Variants in C12orf56 observed in about 807,000 individuals in gnomAD.
The protein encoded by C12orf56 is uncharacterized protein C12orf56.
A neutral mutation model predicts 69.9 loss-of-function variants in C12orf56; 71 were observed. The observed-to-expected ratio is 1.02, with a 90% CI of 0.84 to 1.24. The LOEUF (loss-of-function observed/expected upper bound fraction) is 1.24. Ranked by LOEUF, C12orf56 falls within the 50% of genes most tolerant of loss-of-function variation. The probability of loss-of-function intolerance (pLI) is 0.00; values close to 1 mark genes in which losing one functional copy is unlikely to be tolerated. For missense variants in C12orf56, 732 were observed against 738.5 expected, an observed-to-expected ratio of 0.99 and a Z score of 0.10; for synonymous variants, 276 against 274.1, an observed-to-expected ratio of 1.01 and a Z score of -0.07.
chr12:64,275,339 C>A lies in C12orf56; in HGVS notation c.1468G>T (p.Ala490Ser). Reference protein sequence around the residue: ...QKLILEYTNTATALLYEILLV... With the variant: ...QKLILEYTNTSTALLYEILLV... ...AGTATCTCATATAAAAGTGCTGTAG[C>A]AGTATTTGTATACTCCAGAATAAGC... The change falls in exon 10 of 13, where the codon GCT becomes TCT. Residue 490 changes from alanine to serine, a missense_variant. By Grantham distance (99) the Ala-to-Ser change is moderately conservative (BLOSUM62 1). Transcript: ENST00000543942. 1 of 1,442,212 alleles carries A rather than the reference C, an allele frequency of 6.9e-7. No individual in the cohort carries two copies. Among genetic ancestry groups the A allele is most frequent in the Non-Finnish European group, 9.2e-7 (1 of 1,083,906 alleles). The allele number at this position is 1,442,212 out of a possible 1,614,324, so 89.3% of individuals were successfully genotyped here.
chr12:64,298,912 G>A (rs2038406144), intron 6 of C12orf56, among the ~76,000 whole-genome samples: 1 of 152,144 alleles, frequency 6.6e-6, no homozygotes, highest in African/African-American at 2.4e-5. Flanking sequence ...TTCCAATTCT[G>A]TGGAGAAAGT....
chr12:64,306,614 CCACCT>C (rs1330782524), intron 5 of C12orf56, among the ~76,000 whole-genome samples: 9 of 152,060 alleles, frequency 5.9e-5, no homozygotes, highest in African/African-American at 1.9e-4. Flanking sequence ...AGTAATCCGC[CCACCT>C]CAGCCTCTGA....
At chr12:64,277,411 ACTTT>A (rs1031131465) in intron 9 of C12orf56, among the ~76,000 whole-genome samples, 1 of 152,148 alleles carries the variant, frequency 6.6e-6, no homozygotes, top group African/African-American at 2.4e-5. Context: ...AATGCTAATT[ACTTT>A]CTTTAATATA....
intron 6 of C12orf56, among the ~76,000 whole-genome samples, chr12:64,287,219 G>T (rs2038215492): frequency 7.6e-6 from 1 of 131,590 alleles, no homozygotes; most frequent in African/African-American, 3.0e-5. Context: ...ACTCCAGACT[G>T]GGCAAGAGTG....
At chr12:64,308,882 CA>C (rs1215425670) in intron 5 of C12orf56, among the ~76,000 whole-genome samples, 1 of 50,056 alleles carries the variant, frequency 2.0e-5, no homozygotes, top group African/African-American at 9.0e-5. Flanking sequence ...AAGAAAGAAA[CA>C]GAAAGGAAGA....
intron 3 of C12orf56, among the ~76,000 whole-genome samples, chr12:64,325,512 A>G (rs2038828027): frequency 6.6e-6 from 1 of 152,208 alleles, no homozygotes; most frequent in African/African-American, 2.4e-5. Context: ...CTCATATTCA[A>G]TTGACTTCTC....
chr12:64,266,158 A>G lies in C12orf56; in HGVS notation c.*1025T>C, dbSNP rs1011512903. 2 of 152,188 alleles carry G rather than the reference A, an allele frequency of 1.3e-5. No individual in the cohort carries two copies. The highest frequency in any genetic ancestry group is 1.3e-4 in the Admixed American group (2 of 15,272). 9.4% of individuals were successfully genotyped at this position (152,188 alleles called of 1,614,324 possible). On this transcript the variant is annotated 3_prime_UTR_variant, in exon 13 of 13. Coordinates refer to ENST00000543942, the MANE Select transcript of C12orf56 (RefSeq NM_001170633.2). ...TCATCCTATTGCTCAGCATTTCCCA[A>G]ATAATCACTCTGTAGCTTATACTCC...
chr12:64,347,412 A>G (rs2039159971), intron 2 of C12orf56, among the ~76,000 whole-genome samples: 1 of 150,878 alleles, frequency 6.6e-6, no homozygotes, highest in Non-Finnish European at 1.5e-5. Context: ...CAGTCTCCTG[A>G]GTAGCTGGGA....
At chr12:64,326,090 A>G (rs2038835377) in intron 3 of C12orf56, among the ~76,000 whole-genome samples, 1 of 152,146 alleles carries the variant, frequency 6.6e-6, no homozygotes, top group Non-Finnish European at 1.5e-5. Flanking sequence ...GCAAAAATAG[A>G]TTTCAAGACA....
chr12:64,315,064 G>C (rs555144818), intron 4 of C12orf56, among the ~76,000 whole-genome samples: 17 of 141,060 alleles, frequency 1.2e-4, no homozygotes, highest in African/African-American at 4.5e-4. Flanking sequence ...CAATTCTCCT[G>C]CCTCAGCTTC....
intron 1 of C12orf56, among the ~76,000 whole-genome samples, chr12:64,372,800 C>T (rs994380309): frequency 2.0e-5 from 3 of 152,176 alleles, no homozygotes; most frequent in African/African-American, 7.2e-5. Context: ...CAGGCATGAG[C>T]CACCATGCCT....
intron 8 of C12orf56, among the ~76,000 whole-genome samples, chr12:64,279,209 C>A (rs1183016065): frequency 6.6e-6 from 1 of 152,176 alleles, no homozygotes; most frequent in African/African-American, 2.4e-5. Flanking sequence ...CATGAGCCTC[C>A]ACACCCAACT....
chr12:64,325,372 A>AAAAG (rs1555189854), intron 3 of C12orf56, among the ~76,000 whole-genome samples: 65 of 141,420 alleles, frequency 4.6e-4, no homozygotes, highest in African/African-American at 7.9e-4. Context: ...AAAAAAAAAA[A>AAAAG]AAGAAGAAGA....
At chr12:64,343,288 A>G (rs1268554543) in intron 2 of C12orf56, among the ~76,000 whole-genome samples, 1 of 152,166 alleles carries the variant, frequency 6.6e-6, no homozygotes, top group African/African-American at 2.4e-5. Context: ...CAATAAGTCC[A>G]GTGTGTTTGC....
intron 8 of C12orf56, among the ~76,000 whole-genome samples, chr12:64,281,041 CG>C (rs542045314): frequency 1.3e-5 from 2 of 150,376 alleles, no homozygotes; most frequent in African/African-American, 4.9e-5. Context: ...GGGAGGCCGA[CG>C]GGGGGTGGAT....
At chr12:64,298,258 C>T (rs1297619132) in intron 6 of C12orf56, among the ~76,000 whole-genome samples, 3 of 151,900 alleles carry the variant, frequency 2.0e-5, no homozygotes, top group Non-Finnish European at 4.4e-5. Context: ...TTGTTTACGT[C>T]CTTTGTAGAT....
chr12:64,356,188 A>C (rs1401662386), intron 1 of C12orf56, among the ~76,000 whole-genome samples: 62 of 151,742 alleles, frequency 4.1e-4, no homozygotes, highest in Non-Finnish European at 7.4e-4. Context: ...AAAAAAAAAA[A>C]AAAAAAAAAA....
chr12:64,308,955 G>GAAAGAAA (rs2038567248), intron 5 of C12orf56, among the ~76,000 whole-genome samples: 4 of 105,684 alleles, frequency 3.8e-5, no homozygotes, highest in Non-Finnish European at 6.0e-5. Flanking sequence ...AAGAAAGAAA[G>GAAAGAAA]AAAGAAAGAA....
At chr12:64,279,955 A>G (rs1447650680) in intron 8 of C12orf56, among the ~76,000 whole-genome samples, 2 of 152,142 alleles carry the variant, frequency 1.3e-5, no homozygotes, top group Admixed American at 6.5e-5. Context: ...TCAAAGTATC[A>G]TACATCCAAA....
Sources: gnomAD v4.1 joint callset for allele counts (sites outside exome capture counted in the v4.1 genomes callset) on GRCh38, gnomAD v4.1.1 for gene constraint, MANE v1.5 for transcripts, NCBI Gene and HGNC (gene_info 2026-07-23, HGNC 2026-07-21) for gene names.